The following PCDHA1 variants were observed in gnomAD, a reference collection of about 807,000 sequenced individuals.
PCDHA1 encodes the protein protocadherin alpha-1.
In PCDHA1, 42 loss-of-function variants were observed where a neutral mutation model predicts 61.3. That is an observed-to-expected ratio of 0.69 (90% CI 0.54 to 0.89). The LOEUF is 0.89. PCDHA1 is among the 40% of genes least tolerant of loss of function. The pLI is 0.00. For synonymous variants in PCDHA1, 610 were observed against 553.8 expected, an observed-to-expected ratio of 1.10 and a Z score of -1.43; for missense variants, 1,256 against 1,235.3, an observed-to-expected ratio of 1.02 and a Z score of -0.25.
intron 1 of PCDHA1, chr5:140,802,457 C>A: frequency 1.2e-6 from 2 of 1,614,226 alleles, no homozygotes; most frequent in Non-Finnish European, 1.7e-6. Flanking sequence ...GCGTGTCGGC[C>A]TATGAGCTGG....
chr5:140,796,146 T>C, intron 1 of PCDHA1: 1 of 1,614,244 alleles, frequency 6.2e-7, no homozygotes, highest in South Asian at 1.1e-5. Flanking sequence ...CCCACGTCCC[T>C]TTCAAGCTGG....
chr5:140,958,775 A>C (rs1179723793), intron 1 of PCDHA1, among the ~76,000 whole-genome samples: 1 of 152,170 alleles, frequency 6.6e-6, no homozygotes, highest in African/African-American at 2.4e-5. Flanking sequence ...GTTTGAAATC[A>C]ACTTTCTATT....
At chr5:140,821,969 T>C in intron 1 of PCDHA1, 2 of 1,614,136 alleles carry the variant, frequency 1.2e-6, no homozygotes, top group Non-Finnish European at 1.7e-6. Context: ...CTGTTCCGGG[T>C]GGCGTCCAAG....
chr5:140,819,243 A>C (rs1186721766), intron 1 of PCDHA1, among the ~76,000 whole-genome samples: 1 of 152,162 alleles, frequency 6.6e-6, no homozygotes, highest in African/African-American at 2.4e-5. Flanking sequence ...TCTTCTCTGC[A>C]ATCTGGTATA....
chr5:140,923,171 G>T (rs1236853762), intron 1 of PCDHA1, among the ~76,000 whole-genome samples: 1 of 152,112 alleles, frequency 6.6e-6, no homozygotes, highest in Non-Finnish European at 1.5e-5. Flanking sequence ...ATAAATTTTT[G>T]TTCAGATGCA....
chr5:140,856,572 A>C (rs782165615), intron 1 of PCDHA1: 1 of 1,597,762 alleles, frequency 6.3e-7, no homozygotes, highest in East Asian at 2.2e-5. Flanking sequence ...AGTCCAAATG[A>C]GTATTTTGTT....
chr5:140,968,569 C>G (rs1554230875), intron 1 of PCDHA1: 18 of 1,614,086 alleles, frequency 1.1e-5, no homozygotes, highest in Non-Finnish European at 1.5e-5. Context: ...CCCCTGCTGG[C>G]TACCTGGTCA....
chr5:140,869,096 C>G (rs2050848393), intron 1 of PCDHA1: 2 of 1,594,364 alleles, frequency 1.3e-6, no homozygotes, highest in African/African-American at 2.7e-5. Context: ...AAGCCAATTT[C>G]GTATGCGATG....
At chr5:141,003,052 A>G (rs782531629) in intron 3 of PCDHA1, among the ~76,000 whole-genome samples, 17 of 152,230 alleles carry the variant, frequency 1.1e-4, no homozygotes, top group Non-Finnish European at 1.9e-4. Context: ...CCTTAACAGA[A>G]CAGTTCCAAA....
At chr5:140,820,790 A>G (rs1554127920) in intron 1 of PCDHA1, among the ~76,000 whole-genome samples, 1 of 152,128 alleles carries the variant, frequency 6.6e-6, no homozygotes, top group African/African-American at 2.4e-5. Context: ...ATGTAAGTAC[A>G]AAGGTATGTA....
At chr5:140,876,673 T>C (rs1554168774) in intron 1 of PCDHA1, 1 of 1,614,206 alleles carries the variant, frequency 6.2e-7, no homozygotes, top group Non-Finnish European at 8.5e-7. Flanking sequence ...GGTGTCCACC[T>C]ACAAGAATTA....
intron 1 of PCDHA1, chr5:140,856,336 G>A (rs782523397): frequency 1.9e-6 from 3 of 1,598,624 alleles, no homozygotes; most frequent in East Asian, 2.2e-5. Context: ...AGCTGTGCGG[G>A]CGGAGCGTGG....
chr5:140,856,835 C>T, intron 1 of PCDHA1: 2 of 1,591,090 alleles, frequency 1.3e-6, no homozygotes, highest in Non-Finnish European at 1.7e-6. Flanking sequence ...AGTAATACGG[C>T]TCAACGCTTC....
At chr5:140,913,451 T>G (rs1201347326) in intron 1 of PCDHA1, among the ~76,000 whole-genome samples, 1 of 152,160 alleles carries the variant, frequency 6.6e-6, no homozygotes, top group East Asian at 1.9e-4. Context: ...CAGCTCCGAT[T>G]TTATTTACTT....
chr5:140,928,450 G>C, intron 1 of PCDHA1: 2 of 1,614,146 alleles, frequency 1.2e-6, no homozygotes, highest in Non-Finnish European at 8.5e-7. Flanking sequence ...GCAGCTCAGG[G>C]GGTTTCATTT....
At chr5:140,852,307 G>A (rs2042297271) in intron 1 of PCDHA1, 5 of 377,800 alleles carry the variant, frequency 1.3e-5, no homozygotes, top group African/African-American at 2.2e-5. Context: ...AGACGGAGTC[G>A]TTTTCTGCCA....
intron 1 of PCDHA1, chr5:140,857,630 G>A (rs1554150395): frequency 6.3e-7 from 1 of 1,596,610 alleles, no homozygotes; most frequent in African/African-American, 1.3e-5. Flanking sequence ...CGAGGAGCTG[G>A]AGCTGCTACA....
chr5:140,880,851 A>T lies in PCDHA1; in HGVS notation c.2394+92167A>T, dbSNP rs577713176. 2.0e-5 allele frequency among the ~76,000 whole-genome samples: 3 copies of T among 152,322 alleles called. No individual in the cohort carries two copies. In the South Asian group the frequency reaches 6.2e-4, roughly 32 times the overall value. On this transcript the variant is annotated intron_variant, in intron 1 of 3. Coordinates refer to ENST00000504120, the MANE Select transcript of PCDHA1 (RefSeq NM_018900.4). The stretch of plus-strand genomic sequence containing the variant: ...GCATATTTTAAATGGTTGACTATGT[A>T]GTCTAATTATGTGAAGAGGTAAATA...
At chr5:140,836,123 T>C in intron 1 of PCDHA1, 1 of 1,613,656 alleles carries the variant, frequency 6.2e-7, no homozygotes, top group Non-Finnish European at 8.5e-7. Flanking sequence ...TGAGAGAGCT[T>C]GTGCCGCGGT....
Sources: allele counts gnomAD v4.1 joint callset (sites outside exome capture counted in the v4.1 genomes callset), GRCh38; gene constraint gnomAD v4.1.1; transcripts MANE v1.5; gene names NCBI Gene and HGNC (gene_info 2026-07-23, HGNC 2026-07-21).